The following NEDD9 variants were observed in gnomAD, a reference collection of about 807,000 sequenced individuals.
NEDD9 encodes enhancer of filamentation 1.
NEDD9 carries 26 observed loss-of-function variants against 76.6 expected under a neutral mutation model. That is an observed-to-expected ratio of 0.34 (90% CI 0.25 to 0.47). The LOEUF (loss-of-function observed/expected upper bound fraction) is 0.47. Ranked by LOEUF, NEDD9 falls within the 20% of genes least tolerant of loss-of-function variation. The pLI, the probability that NEDD9 is intolerant of heterozygous loss-of-function variation, is 1.00. For missense variants in NEDD9, 937 were observed against 1,058.5 expected (o/e 0.89, Z 1.59); for synonymous variants, 392 against 414.2 (o/e 0.95, Z 0.65).
chr6:11,235,729 G>A (rs564774934), upstream of NEDD9, among the ~76,000 whole-genome samples: 176 of 152,252 alleles, frequency 1.2e-3, no homozygotes, highest in African/African-American at 3.9e-3. The surrounding 1 kb of genome is among the most constrained non-coding windows in gnomAD (Gnocchi z 4.1). Context: ...TGAGCATTCC[G>A]GACAGAAGTG....
intron 2 of NEDD9, among the ~76,000 whole-genome samples, chr6:11,308,281 C>T (rs1007673471): frequency 4.0e-5 from 6 of 150,790 alleles, no homozygotes; most frequent in African/African-American, 1.5e-4. Context: ...AAGACCCAAG[C>T]AGTCCAAGAA....
chr6:11,275,264 G>C (rs1374988783), intron 3 of NEDD9, among the ~76,000 whole-genome samples: 1 of 152,162 alleles, frequency 6.6e-6, no homozygotes. Context: ...GAGGTACAGG[G>C]ATTGAGGAAA....
At chr6:11,266,963 A>T (rs1165501354) in intron 3 of NEDD9, among the ~76,000 whole-genome samples, 1 of 152,246 alleles carries the variant, frequency 6.6e-6, no homozygotes, top group Non-Finnish European at 1.5e-5. Context: ...GCTGTGAATC[A>T]GGAGCAAAGT....
intron 1 of NEDD9, among the ~76,000 whole-genome samples, chr6:11,230,753 G>A (rs1759445331): frequency 6.6e-6 from 1 of 152,210 alleles, no homozygotes; most frequent in South Asian, 2.1e-4. Context: ...ATTTGGCAAG[G>A]TGTTCAACAC....
In NEDD9 at chr6:11,308,523, C is replaced by G. The variant is rs191153539; in HGVS notation, c.-152-2368G>C. On this transcript the variant is annotated intron_variant, in intron 2 of 3. Coordinates refer to the NEDD9 transcript ENST00000397378. ...TAGCTGGGACTACAGGCGCCCGCCA[C>G]TACGCTGGGCTAATTTTTTGTATTT... is the stretch of plus-strand genomic sequence containing the variant. Among the ~76,000 whole-genome samples the G allele has an allele frequency of 4.1e-3, 619 of 152,006 alleles. 6 individuals carry two copies. In the East Asian group the frequency reaches 0.052, roughly 13 times the overall value.
Position 11,185,192 on chromosome 6 carries a change from C to T in NEDD9, c.2475G>A (p.Lys825=). The change falls in exon 7 of 7, where the codon AAG becomes AAA. Residue 825 remains lysine (K), a synonymous_variant. Coordinates refer to ENST00000379446, the MANE Select transcript of NEDD9 (RefSeq NM_006403.4). The part of the protein sequence containing the change: ...TDLSRNAQLF[K]RSLLEMATF ...ACGTTGCCATCTCCAGCAAAGAGCG[C>T]TTGAACAGCTGGGCATTTCTAGAAA... 6.2e-7 allele frequency: 1 copy of T among 1,613,688 alleles called. No homozygotes were observed. The highest frequency in any genetic ancestry group is 8.5e-7 in the Non-Finnish European group (1 of 1,179,642).
At chr6:11,298,261 T>C (rs1325326829) in intron 3 of NEDD9, among the ~76,000 whole-genome samples, 1 of 152,088 alleles carries the variant, frequency 6.6e-6, no homozygotes, top group East Asian at 1.9e-4. Context: ...TAGGAATATA[T>C]GTATGCGTAG....
chr6:11,244,086 A>C (rs1469412385), intron 3 of NEDD9, among the ~76,000 whole-genome samples: 1 of 152,168 alleles, frequency 6.6e-6, no homozygotes, highest in Non-Finnish European at 1.5e-5. Flanking sequence ...GAAGGCCTTC[A>C]GGGAAAAGAG....
chr6:11,225,207 T>A (rs1380866257), intron 1 of NEDD9, among the ~76,000 whole-genome samples: 1 of 152,250 alleles, frequency 6.6e-6, no homozygotes, highest in African/African-American at 2.4e-5. Flanking sequence ...CACTTTTACA[T>A]ATTTGTTGCT....
intron 3 of NEDD9, among the ~76,000 whole-genome samples, chr6:11,271,139 T>A (rs1032181859): frequency 6.6e-6 from 1 of 152,226 alleles, no homozygotes; most frequent in Admixed American, 6.5e-5. Context: ...GCTCAAGTGA[T>A]CCTCCCGATT....
chr6:11,325,077 C>T lies in NEDD9; in HGVS notation c.-153+9424G>A, dbSNP rs180769714. 9.2e-5 allele frequency among the ~76,000 whole-genome samples: 14 copies of T among 152,188 alleles called. No individual in the cohort carries two copies. In the East Asian group the frequency reaches 1.4e-3, roughly 15 times the overall value. On this transcript the variant is annotated intron_variant, in intron 2 of 3. Transcript: ENST00000397378. ...TTGATAGAACGTGCATGTATCAGGC[C>T]GGGCACGGTGGATTACGCCTGTAAT...
chr6:11,220,575 T>C (rs1241353598), intron 1 of NEDD9, among the ~76,000 whole-genome samples: 1 of 152,218 alleles, frequency 6.6e-6, no homozygotes, highest in African/African-American at 2.4e-5. Context: ...TCTTAACATC[T>C]CTTCCACACT....
intron 2 of NEDD9, among the ~76,000 whole-genome samples, chr6:11,317,862 G>T (rs1476351211): frequency 2.0e-5 from 3 of 152,194 alleles, no homozygotes; most frequent in Admixed American, 1.3e-4. Context: ...TTCTGAGGGT[G>T]TTTTGAAATG....
At chr6:11,363,262 T>C (rs552965505) in intron 1 of NEDD9, among the ~76,000 whole-genome samples, 1 of 152,206 alleles carries the variant, frequency 6.6e-6, no homozygotes, top group Non-Finnish European at 1.5e-5. Flanking sequence ...AATCCCATGA[T>C]TAAAGAGATT....
intron 2 of NEDD9, among the ~76,000 whole-genome samples, chr6:11,208,165 G>A (rs1373886078): frequency 6.8e-6 from 1 of 147,522 alleles, no homozygotes; most frequent in African/African-American, 2.5e-5. Context: ...GTGACAGAGC[G>A]AGACCCTGAC....
rs1758131392 is a variant in NEDD9 at position 11,191,074 on chromosome 6, T to C, written c.795A>G (p.Pro265=). Residue 265 remains proline (P), a synonymous_variant, in exon 5 of 7, where the codon CCA becomes CCG. Transcript: ENST00000379446. The stretch of plus-strand genomic sequence containing the variant: ...CCTTCCCTGCTGGCTTGGTGCAGGT[T>C]GGAGGAATGTCATAAACCCCCTCCG... ...LRPEGVYDIP[P]TCTKPAGKDL... 5.6e-6 allele frequency: 9 copies of C among 1,613,872 alleles called. No homozygotes were observed. The highest frequency in any genetic ancestry group is 1.7e-5 in the Admixed American group (1 of 59,986).
intron 1 of NEDD9, among the ~76,000 whole-genome samples, chr6:11,229,368 C>T (rs1759400606): frequency 6.6e-6 from 1 of 152,214 alleles, no homozygotes; most frequent in Admixed American, 6.5e-5. Context: ...GGCCGCTGAG[C>T]CCCCGCCCGG....
chr6:11,278,732 C>T (rs141284223), intron 3 of NEDD9, among the ~76,000 whole-genome samples: 2 of 152,326 alleles, frequency 1.3e-5, no homozygotes, highest in African/African-American at 4.8e-5. Flanking sequence ...GCAAACTGTC[C>T]TCTTGCCTAG....
At chr6:11,316,407 C>T (rs367980569) in intron 2 of NEDD9, among the ~76,000 whole-genome samples, 3 of 152,278 alleles carry the variant, frequency 2.0e-5, no homozygotes, top group East Asian at 1.9e-4. Context: ...CACGTCTGAT[C>T]GTCTCATGGG....
Sources: allele counts gnomAD v4.1 joint callset (sites outside exome capture counted in the v4.1 genomes callset), GRCh38; gene constraint gnomAD v4.1.1; non-coding constraint Gnocchi (gnomAD v3.1); transcripts MANE v1.5; gene names NCBI Gene and HGNC (gene_info 2026-07-23, HGNC 2026-07-21).